Variants in FAM219B observed in about 807,000 individuals in gnomAD.
FAM219B encodes the protein family with sequence similarity 219 member B, also known as protein FAM219B.
FAM219B carries 18 observed loss-of-function variants against 19.9 expected under a neutral mutation model. The ratio of observed to expected loss-of-function variants is 0.91; its 90% confidence interval spans 0.63 to 1.34. The LOEUF is 1.34. Among genes scored for constraint, FAM219B ranks in the 40% most tolerant of loss-of-function variants. The pLI is 0.00. For synonymous variants in FAM219B, 123 were observed against 117.5 expected (o/e 1.05, Z -0.30); for missense variants, 283 against 270.5 (o/e 1.05, Z -0.32).
intron 4 of FAM219B, 29 bp from the exon 5 acceptor site, chr15:74,902,815 G>C (rs1239037657): frequency 1.3e-6 from 2 of 1,582,072 alleles, no homozygotes; most frequent in African/African-American, 2.7e-5. Flanking sequence ...GGAACTATAG[G>C]CCAAGATGCA....
chr15:74,905,167 G>A lies in FAM219B; in HGVS notation c.367C>T (p.Leu123Phe), dbSNP rs2065134067. The A allele has an allele frequency of 6.8e-6, 11 of 1,614,070 alleles. No individual in the cohort carries two copies. Among genetic ancestry groups the A allele is most frequent in the Non-Finnish European group, 9.3e-6 (11 of 1,179,952 alleles). ...GGGAGCACTCACCTGTCAGAGTCGA[G>A]GGACACCAGGTTTTCATCTGGACTC... ...SQSPDENLVSLDSDSDGELGS... is the reference protein window; with the variant it reads ...SQSPDENLVSFDSDSDGELGS... Residue 123 changes from leucine to phenylalanine, a missense_variant, in exon 3 of 5, where the codon CTC (leucine) becomes TTC (phenylalanine). Coordinates refer to ENST00000357635, the MANE Select transcript of FAM219B (RefSeq NM_020447.5).
chr15:74,897,994 G>A (rs929819260), downstream of FAM219B: 3 of 528,104 alleles, frequency 5.7e-6, no homozygotes, highest in Non-Finnish European at 1.0e-5. Context: ...CCTGAGCCAG[G>A]CTCTTGCCAA....
intron 2 of FAM219B, 94 bp downstream of exon 2, chr15:74,906,184 A>G: frequency 7.7e-7 from 1 of 1,305,382 alleles, no homozygotes; most frequent in South Asian, 1.3e-5. Flanking sequence ...GGGAATCGCT[A>G]GCTCGGCCTT....
chr15:74,905,317 A>G, intron 2 of FAM219B, 86 bp from the exon 3 acceptor site: 1 of 1,357,998 alleles, frequency 7.4e-7, no homozygotes, highest in Non-Finnish European at 1.0e-6. Context: ...GCCCTGAAGG[A>G]GAAAGAATTG....
downstream of FAM219B, chr15:74,898,601 G>T (rs1228659432): frequency 6.6e-6 from 1 of 151,412 alleles, no homozygotes; most frequent in Non-Finnish European, 1.5e-5. Context: ...GCAGTGGCAC[G>T]ATCTCGGCTC....
Position 74,902,075 on chromosome 15 carries a change from C to A in FAM219B, c.*544G>T, listed in dbSNP as rs187544510. 115 of 398,604 alleles carry A rather than the reference C, an allele frequency of 2.9e-4. No individual in the cohort carries two copies. The East Asian group carries it at 3.7e-3, about 13-fold the overall frequency. The allele number at this position is 398,604 out of a possible 1,614,324, so 24.7% of individuals were successfully genotyped here. ...TAGACAGGTGCAACCTGAAGAGGGA[C>A]AAAAGGACTCACTTTATGCTGTCTT... On this transcript the variant is annotated 3_prime_UTR_variant, in exon 5 of 5. Transcript: ENST00000357635.
intron 2 of FAM219B, chr15:74,905,669 TCC>T (rs980974468): frequency 1.0e-5 from 2 of 198,402 alleles, no homozygotes; most frequent in Non-Finnish European, 2.1e-5. Flanking sequence ...CGCCTCGGCT[TCC>T]CAAAGTGCTG....
Position 74,902,510 on chromosome 15 carries a change from C to A in FAM219B, c.*109G>T. On this transcript the variant is annotated 3_prime_UTR_variant, in exon 5 of 5. Transcript: ENST00000357635. ...ACAGGTAAGGGCTACCTGCAGGTCA[C>A]TTTCTAGGGGTCAGTGACTTCAGTG... 1 of 1,229,082 alleles carries A rather than the reference C, an allele frequency of 8.1e-7. No homozygotes were observed. The highest frequency in any genetic ancestry group is 2.1e-5 in the South Asian group (1 of 47,518). 76.1% of individuals were successfully genotyped at this position (1,229,082 alleles called of 1,614,324 possible).
In FAM219B at chr15:74,901,003, A is replaced by T. The variant is rs2064932349; in HGVS notation, c.*1616T>A. The stretch of plus-strand genomic sequence containing the variant: ...TTTTTATTAGACTTGCTCATCTTCT[A>T]GTCACCCCTTGTGGTAGAGCGAAAA... On this transcript the variant is annotated 3_prime_UTR_variant, in exon 5 of 5. Transcript: ENST00000357635. 1 of 152,252 alleles carries T rather than the reference A, an allele frequency of 6.6e-6. No homozygotes were observed. The highest frequency in any genetic ancestry group is 1.5e-5 in the Non-Finnish European group (1 of 68,048). 9.4% of individuals were successfully genotyped at this position (152,252 alleles called of 1,614,324 possible).
intron 4 of FAM219B, among the ~76,000 whole-genome samples, chr15:74,903,494 G>C (rs933956912): frequency 6.6e-6 from 1 of 151,004 alleles, no homozygotes; most frequent in Admixed American, 6.6e-5. Flanking sequence ...CCAGCTACTC[G>C]GGAGGCTGAG....
intron 4 of FAM219B, among the ~76,000 whole-genome samples, chr15:74,903,178 G>T (rs2065034792): frequency 6.6e-6 from 1 of 152,178 alleles, no homozygotes; most frequent in African/African-American, 2.4e-5. Context: ...GTAGAGCATG[G>T]GTTACAGTGG....
At position 74,902,318 on chromosome 15, in the gene FAM219B, G is replaced by GC. The variant is rs1447439973; in HGVS notation, c.*300dup. The GC allele has an allele frequency of 2.5e-6, 1 of 404,256 alleles. No homozygotes were observed. The highest frequency in any genetic ancestry group is 4.4e-6 in the Non-Finnish European group (1 of 229,574). The allele number at this position is 404,256 out of a possible 1,614,324, so 25.0% of individuals were successfully genotyped here. ...ATGACAAATACCAATCAAGCTGTCT[G>GC]CAAGTGTTTTCCTTAGCCACCTTTG... On this transcript the variant is annotated 3_prime_UTR_variant, in exon 5 of 5. Transcript: ENST00000357635.
Position 74,901,465 on chromosome 15 carries a change from C to T in FAM219B, c.*1154G>A, listed in dbSNP as rs914731578. On this transcript the variant is annotated 3_prime_UTR_variant, in exon 5 of 5. Transcript: ENST00000357635. ...GGGGCTGAAAGAGGCTGTGTCACAC[C>T]CAGAGGTCTGCTTAAAGCCCAATCC... The T allele has an allele frequency of 1.3e-5, 2 of 152,116 alleles. No homozygotes were observed. The highest frequency in any genetic ancestry group is 2.9e-5 in the Non-Finnish European group (2 of 68,044). The allele number at this position is 152,116 out of a possible 1,614,324, so 9.4% of individuals were successfully genotyped here.
chr15:74,898,388 AG>A (rs1469465333), downstream of FAM219B: 3 of 170,478 alleles, frequency 1.8e-5, no homozygotes, highest in African/African-American at 7.2e-5. Flanking sequence ...TATGGGAAGG[AG>A]TGGGAGAGGA....
rs2064914025 is a variant in FAM219B at position 74,900,607 on chromosome 15, C to T, written c.*2012G>A. The T allele has an allele frequency of 6.6e-6, 1 of 152,262 alleles. No individual in the cohort carries two copies. The highest frequency in any genetic ancestry group is 2.4e-5 in the African/African-American group (1 of 41,452). 9.4% of individuals were successfully genotyped at this position (152,262 alleles called of 1,614,324 possible). A position where few individuals can be genotyped will look rare whatever the true frequency, so the allele number is the denominator to read the frequency against. ...CACATGTGCACTTCACCTCTGCAGACACAAGAAAGGCCTGGACATGGTCTC... is the reference window on the plus strand; with the variant it reads ...CACATGTGCACTTCACCTCTGCAGATACAAGAAAGGCCTGGACATGGTCTC... On this transcript the variant is annotated 3_prime_UTR_variant, in exon 5 of 5. Coordinates refer to ENST00000357635, the MANE Select transcript of FAM219B (RefSeq NM_020447.5).
chr15:74,905,437 T>C (rs1352225470), intron 2 of FAM219B: 2 of 482,388 alleles, frequency 4.1e-6, no homozygotes, highest in African/African-American at 2.0e-5. Flanking sequence ...TTTTTTCTTT[T>C]TTTGGAGACA....
At chr15:74,906,239 T>TA (rs773302045) in intron 2 of FAM219B, 39 bp downstream of exon 2, 3 of 1,603,152 alleles carry the variant, frequency 1.9e-6, no homozygotes, top group Non-Finnish European at 8.5e-7. Context: ...AAGCCTTCTC[T>TA]AAAGCTGCTG....
At chr15:74,906,445 G>A (rs982348819) in intron 1 of FAM219B, 80 bp from the exon 2 acceptor site, 2 of 1,548,618 alleles carry the variant, frequency 1.3e-6, no homozygotes. Flanking sequence ...CGCTCTTTCC[G>A]AACGGATTTT....
In FAM219B at chr15:74,900,123, T is replaced by A. The variant is rs2064891687; in HGVS notation, c.*2496A>T. The stretch of plus-strand genomic sequence containing the variant: ...GGTAAGCCTGGATACACCCCTCTCC[T>A]CAGGAAACTGTCACCTGCAGAACAC... On this transcript the variant is annotated 3_prime_UTR_variant, in exon 5 of 5. Coordinates refer to ENST00000357635, the MANE Select transcript of FAM219B (RefSeq NM_020447.5). The A allele has an allele frequency of 6.6e-6, 1 of 152,282 alleles. No homozygotes were observed. 9.4% of individuals were successfully genotyped at this position (152,282 alleles called of 1,614,324 possible).
Sources: allele counts gnomAD v4.1 joint callset (sites outside exome capture counted in the v4.1 genomes callset), GRCh38; gene constraint gnomAD v4.1.1; transcripts MANE v1.5; gene names NCBI Gene and HGNC (gene_info 2026-07-23, HGNC 2026-07-21).